The following SLC38A7 variants were observed in gnomAD, a reference collection of about 807,000 sequenced individuals.
The protein encoded by SLC38A7 is sodium-coupled neutral amino acid transporter 7.
In SLC38A7, 29 loss-of-function variants were observed where a neutral mutation model predicts 50.1. The observed-to-expected ratio is 0.58, with a 90% CI of 0.43 to 0.79. SLC38A7 has a LOEUF of 0.79. Among genes scored for constraint, SLC38A7 ranks in the 30% least tolerant of loss-of-function variants. The pLI, the probability that SLC38A7 is intolerant of heterozygous loss-of-function variation, is 0.00. For missense variants in SLC38A7, 483 were observed against 610.6 expected, an observed-to-expected ratio of 0.79 and a Z score of 2.20; for synonymous variants, 244 against 245.9, an observed-to-expected ratio of 0.99 and a Z score of 0.07.
At chr16:58,672,264 G>A in intron 8 of SLC38A7, 21 bp from the exon 9 acceptor site, 1 of 1,571,638 alleles carries the variant, frequency 6.4e-7, no homozygotes, top group Non-Finnish European at 8.6e-7. Flanking sequence ...GGACAACTGG[G>A]TCAGGGCAAC....
chr16:58,675,318 G>GCAA (rs1475755405), intron 8 of SLC38A7: 1 of 425,736 alleles, frequency 2.3e-6, no homozygotes. Context: ...ACCAGGCTAG[G>GCAA]CAACATAGTG....
rs555568883 is a variant in SLC38A7 at position 58,667,456 on chromosome 16, A to T, written c.1318T>A (p.Leu440Met). Residue 440 changes from leucine to methionine, a missense_variant, in exon 12 of 12, where the codon TTG becomes ATG. By Grantham distance (15) the Leu-to-Met change is conservative (BLOSUM62 2). Transcript: ENST00000219320. ...AAGATGAAGGCTCCCAGGGTGACCAAGAGGACTCCGTAGCTGACCAGCACC... is the reference window on the plus strand; with the variant it reads ...AAGATGAAGGCTCCCAGGGTGACCATGAGGACTCCGTAGCTGACCAGCACC... ...WWVLVSYGVL[L>M]VTLGAFIFGQ... 1 of 1,613,450 alleles carries T rather than the reference A, an allele frequency of 6.2e-7. No homozygotes were observed. The highest frequency in any genetic ancestry group is 1.1e-5 in the South Asian group (1 of 91,018).
chr16:58,670,577 C>T (rs2044139510), intron 10 of SLC38A7, among the ~76,000 whole-genome samples: 1 of 152,230 alleles, frequency 6.6e-6, no homozygotes, highest in South Asian at 2.1e-4. Context: ...CAGGACAGTT[C>T]TCCAGGGATC....
At chr16:58,675,717 G>C (rs1597671944) in intron 8 of SLC38A7, among the ~76,000 whole-genome samples, 1 of 152,080 alleles carries the variant, frequency 6.6e-6, no homozygotes, top group East Asian at 1.9e-4. Flanking sequence ...ACCGTTCCTG[G>C]CACTTCCTAG....
intron 2 of SLC38A7, among the ~76,000 whole-genome samples, chr16:58,683,078 T>C (rs1484159794): frequency 6.6e-6 from 1 of 151,550 alleles, no homozygotes; most frequent in Non-Finnish European, 1.5e-5. Flanking sequence ...GAGGTCTCAC[T>C]ATGTTGCCCA....
At position 58,676,354 on chromosome 16, in the gene SLC38A7, C is replaced by A. The variant is rs1174532490; in HGVS notation, c.711-8G>T. 6.2e-7 allele frequency: 1 copy of A among 1,614,046 alleles called. No homozygotes were observed. Among genetic ancestry groups the A allele is most frequent in the African/African-American group, 1.3e-5 (1 of 74,928 alleles). On this transcript the variant is annotated splice_polypyrimidine_tract_variant and splice_region_variant and intron_variant, in intron 6 of 11. Transcript: ENST00000219320. ...GCCATCCAGGAAGCCGGCCTGTGAA[C>A]AAACACACATGGTGCTGCCACCTGG...
intron 6 of SLC38A7, 145 bp downstream of exon 6, chr16:58,677,181 T>G: frequency 1.5e-6 from 1 of 649,140 alleles, no homozygotes; most frequent in South Asian, 2.1e-5. Flanking sequence ...GGCTCTTTCC[T>G]CCTTCCTACA....
At chr16:58,674,781 A>C (rs2044229796) in intron 8 of SLC38A7, among the ~76,000 whole-genome samples, 1 of 152,158 alleles carries the variant, frequency 6.6e-6, no homozygotes, top group Non-Finnish European at 1.5e-5. Context: ...AGGCTAGAAC[A>C]GTATTGGCCC....
At chr16:58,676,739 C>T (rs1440362358) in intron 6 of SLC38A7, among the ~76,000 whole-genome samples, 67 of 152,256 alleles carry the variant, frequency 4.4e-4, no homozygotes, top group Non-Finnish European at 4.4e-5. Flanking sequence ...GCAACTTCTG[C>T]CTCCCAGGTT....
chr16:58,682,149 T>G (rs1475547348), intron 2 of SLC38A7, among the ~76,000 whole-genome samples: 3 of 151,976 alleles, frequency 2.0e-5, no homozygotes, highest in Admixed American at 2.0e-4. Context: ...AGAGTGAGAC[T>G]CTATCTCAAA....
At chr16:58,676,954 C>A (rs865845226) in intron 6 of SLC38A7, among the ~76,000 whole-genome samples, 48 of 151,528 alleles carry the variant, frequency 3.2e-4, no homozygotes, top group African/African-American at 1.0e-3. Flanking sequence ...GTGCCTGGCC[C>A]CCCCCCTTTT....
rs1020765390 is a variant in SLC38A7 at position 58,676,392 on chromosome 16, G to A, written c.711-46C>T. ...TGCTGCCACCTGGGAACCCCTCAGA[G>A]CCACAACCCACCCCACGCCCTCACT... is the stretch of plus-strand genomic sequence containing the variant. On this transcript the variant is annotated intron_variant, in intron 6 of 11. Transcript: ENST00000219320. 3 of 1,607,246 alleles carry A rather than the reference G, an allele frequency of 1.9e-6. No individual in the cohort carries two copies. In the South Asian group the frequency reaches 3.3e-5, roughly 18 times the overall value.
intron 8 of SLC38A7, 27 bp from the exon 9 acceptor site, chr16:58,672,270 G>T: frequency 6.4e-7 from 1 of 1,565,974 alleles, no homozygotes; most frequent in Admixed American, 1.9e-5. Flanking sequence ...CTGGGTCAGG[G>T]CAACCCTGGG....
At position 58,679,934 on chromosome 16, in the gene SLC38A7, G is replaced by A. The variant is rs754983728; in HGVS notation, c.193C>T (p.Leu65=). Residue 65 remains leucine, a synonymous_variant, in exon 3 of 12, where the codon CTG becomes TTG. Coordinates refer to ENST00000219320, the MANE Select transcript of SLC38A7 (RefSeq NM_018231.3). ...GGGAAGTTGAGTAACCCTGCACCCAGGCACGCGTTGACGACGATGAAGATG... is the reference window on the plus strand; with the variant it reads ...GGGAAGTTGAGTAACCCTGCACCCAAGCACGCGTTGACGACGATGAAGATG... ...GAIFIVVNAC[L]GAGLLNFPAA... The A allele has an allele frequency of 3.7e-6, 6 of 1,612,318 alleles. No homozygotes were observed. In the South Asian group the frequency reaches 5.5e-5, roughly 15 times the overall value.
At chr16:58,680,322 G>A in intron 2 of SLC38A7, 81 bp from the exon 3 acceptor site, 1 of 548,846 alleles carries the variant, frequency 1.8e-6, no homozygotes, top group Non-Finnish European at 2.9e-6. Context: ...ACTTTCCCAA[G>A]ATCACATGGG....
At position 58,667,373 on chromosome 16, in the gene SLC38A7, G is replaced by A. The variant is rs1046183241; in HGVS notation, c.*12C>T. ...CAATGGCAAAGGCCTTGTGTTCCCT[G>A]GGAGGCAGTGGTTATGCCAAGAGAT... On this transcript the variant is annotated 3_prime_UTR_variant, in exon 12 of 12. Coordinates refer to ENST00000219320, the MANE Select transcript of SLC38A7 (RefSeq NM_018231.3). 13 of 1,613,424 alleles carry A rather than the reference G, an allele frequency of 8.1e-6. No individual in the cohort carries two copies. The highest frequency in any genetic ancestry group is 1.0e-5 in the Non-Finnish European group (12 of 1,179,584).
At chr16:58,671,576 T>A (rs2044160108) in intron 9 of SLC38A7, 1 of 364,942 alleles carries the variant, frequency 2.7e-6, no homozygotes, top group East Asian at 5.1e-5. Flanking sequence ...TTTTTTGTTT[T>A]TTTGAGACAG....
In SLC38A7 at chr16:58,671,136, G is replaced by A. The variant is rs753036592; in HGVS notation, c.1140C>T (p.Leu380=). 6.2e-7 allele frequency: 1 copy of A among 1,613,976 alleles called. No individual in the cohort carries two copies. The highest frequency in any genetic ancestry group is 1.3e-5 in the African/African-American group (1 of 75,014). ...RVLQTLVWFL[L]TLLLALFIPD... ...GGATGAAGAGCGCCAGCAGCAGGGTGAGCAGGAACCAGACCAGCGTCTGCA... is the reference window on the plus strand; with the variant it reads ...GGATGAAGAGCGCCAGCAGCAGGGTAAGCAGGAACCAGACCAGCGTCTGCA... The change falls in exon 10 of 12, where the codon CTC becomes CTT. Residue 380 remains leucine (L), a synonymous_variant. Transcript: ENST00000219320.
At position 58,669,680 on chromosome 16, in the gene SLC38A7, A is replaced by C. The variant is rs545031872; in HGVS notation, c.1286+433T>G. Among the ~76,000 whole-genome samples, 710 of 136,614 alleles carry C rather than the reference A, an allele frequency of 5.2e-3. 11 individuals are homozygous for C. The highest frequency in any genetic ancestry group is 0.018 in the African/African-American group (676 of 37,352). 89.6% of individuals were successfully genotyped at this position (136,614 alleles called of 152,430 possible). A position where few individuals can be genotyped will look rare whatever the true frequency, so the allele number is the denominator to read the frequency against. On this transcript the variant is annotated intron_variant, in intron 11 of 11. Coordinates refer to ENST00000219320, the MANE Select transcript of SLC38A7 (RefSeq NM_018231.3). Reference sequence around the variant, plus strand: ...AATTTTTAAAAGTATTAAAAAAAAAACAACAACAACCTGGCTGGGTGTGGT... The same window carrying C: ...AATTTTTAAAAGTATTAAAAAAAAACCAACAACAACCTGGCTGGGTGTGGT...
Sources: allele counts gnomAD v4.1 joint callset (sites outside exome capture counted in the v4.1 genomes callset), GRCh38; gene constraint gnomAD v4.1.1; transcripts MANE v1.5; gene names NCBI Gene and HGNC (gene_info 2026-07-23, HGNC 2026-07-21).